The following ESR2 variants were observed in gnomAD, a reference collection of about 807,000 sequenced individuals.
ESR2 encodes the protein estrogen receptor 2.
Under a neutral mutation model 49.6 loss-of-function variants are expected in ESR2, and 36 were observed. That is an observed-to-expected ratio of 0.73 (90% confidence interval 0.56 to 0.96). The LOEUF is 0.96. ESR2 is among the 40% of genes least tolerant of loss of function. ESR2 has a pLI of 0.00. For missense variants in ESR2, 714 were observed against 693.0 expected, an observed-to-expected ratio of 1.03 and a Z score of -0.34; for synonymous variants, 320 against 266.1, an observed-to-expected ratio of 1.20 and a Z score of -1.97.
intron 4 of ESR2, among the ~76,000 whole-genome samples, chr14:64,265,412 C>T (rs944102485): frequency 6.6e-6 from 1 of 152,168 alleles, no homozygotes; most frequent in Non-Finnish European, 1.5e-5. Flanking sequence ...GAAGAGGAAC[C>T]AAACATAAGC....
chr14:64,227,893 A>C (rs756571791), downstream of ESR2: 11 of 1,597,778 alleles, frequency 6.9e-6, no homozygotes, highest in Admixed American at 1.7e-5. Flanking sequence ...CTTGGCACTA[A>C]GATAACTTCA....
intron 7 of ESR2, among the ~76,000 whole-genome samples, chr14:64,238,093 G>A (rs190397497): frequency 9.5e-4 from 145 of 152,208 alleles, no homozygotes; most frequent in Middle Eastern, 6.8e-3. Context: ...ATAAAAGAAC[G>A]CCTCAGAACC....
chr14:64,306,202 C>CA (rs1458845160), intron 1 of ESR2, among the ~76,000 whole-genome samples: 11 of 122,808 alleles, frequency 9.0e-5, no homozygotes, highest in South Asian at 5.2e-4. Flanking sequence ...AACTCCATCT[C>CA]AAAAAAAAAG....
chr14:64,272,882 T>C (rs931404766), intron 3 of ESR2, among the ~76,000 whole-genome samples: 1 of 152,164 alleles, frequency 6.6e-6, no homozygotes. Flanking sequence ...AATTTTAGGG[T>C]TGTTTTTTCT....
At chr14:64,293,049 T>C (rs965920050) in intron 1 of ESR2, among the ~76,000 whole-genome samples, 5 of 152,246 alleles carry the variant, frequency 3.3e-5, no homozygotes. Context: ...CGGTGTATAC[T>C]CTAATGCCTG....
rs1327971409 is a variant in ESR2, at chr14:64,230,534, A to G, written c.*2603T>C. On this transcript the variant is annotated 3_prime_UTR_variant, in exon 9 of 9. Transcript: ENST00000341099. Reference sequence around the variant, plus strand: ...GTACAGCTCCTGCCGATTTTGCACTATTTTTAATGCAGTTGAGTCTTCAGA... The same window carrying G: ...GTACAGCTCCTGCCGATTTTGCACTGTTTTTAATGCAGTTGAGTCTTCAGA... 6.6e-6 allele frequency among the ~76,000 whole-genome samples: 1 copy of G among 152,154 alleles called. No homozygotes were observed. The highest frequency in any genetic ancestry group is 2.4e-5 in the African/African-American group (1 of 41,490).
chr14:64,280,095 C>T lies in ESR2; in HGVS notation c.421G>A (p.Gly141Ser), dbSNP rs1281446424. The change falls in exon 3 of 9, where the codon GGT (glycine) becomes AGT (serine). Residue 141 changes from glycine (G) to serine (S), a missense_variant. By Grantham distance (56) the Gly-to-Ser change is moderately conservative. Coordinates refer to ENST00000341099, the MANE Select transcript of ESR2 (RefSeq NM_001437.3). The part of the protein sequence containing the change: ...NRCASPVTGP[G>S]SKRDAHFCAV... The stretch of plus-strand genomic sequence containing the variant: ...CAGAAGTGAGCATCCCTCTTTGAAC[C>T]TGGACCAGTAACAGGGCTGGCGCAA... 1 of 1,614,138 alleles carries T rather than the reference C, an allele frequency of 6.2e-7. No homozygotes were observed. The highest frequency in any genetic ancestry group is 8.5e-7 in the Non-Finnish European group (1 of 1,179,974).
Position 64,257,332 on chromosome 14 carries a change from G to A in ESR2, c.985C>T (p.Arg329Trp), listed in dbSNP as rs575267235. 9 of 1,613,412 alleles carry A rather than the reference G, an allele frequency of 5.6e-6. No homozygotes were observed. In the Admixed American group the frequency reaches 8.3e-5, roughly 15 times the overall value. Residue 329 changes from arginine (R) to tryptophan (W), a missense_variant, in exon 6 of 9, where the codon CGG (arginine) becomes TGG (tryptophan). By Grantham distance (101) the Arg-to-Trp change is moderately radical. Transcript: ENST00000341099. ...TCCATCCAACAGCTCTCCAAGAGCC[G>A]CACTTGGTCGAACAGGCTGAGCTCC... ...FVELSLFDQV[R>W]LLESCWMEVL...
chr14:64,328,350 C>G lies in ESR2; in HGVS notation c.-91+9548G>C, dbSNP rs541937963. Among the ~76,000 whole-genome samples the G allele has an allele frequency of 7.3e-5, 11 of 151,264 alleles. No homozygotes were observed. The East Asian group carries it at 1.8e-3, about 24-fold the overall frequency. On this transcript the variant is annotated intron_variant, in intron 1 of 8. Transcript: ENST00000358599. Reference sequence around the variant, plus strand: ...AGGAGAATCACTTGAACCTGGGAGGCAGAGGTTGCAGTGAGCTGAAATTGC... The same window carrying G: ...AGGAGAATCACTTGAACCTGGGAGGGAGAGGTTGCAGTGAGCTGAAATTGC...
At chr14:64,240,657 G>A (rs1488130915) in intron 7 of ESR2, among the ~76,000 whole-genome samples, 2 of 152,178 alleles carry the variant, frequency 1.3e-5, no homozygotes, top group Non-Finnish European at 2.9e-5. Context: ...ACACTCAGCT[G>A]CAAGTTTTTG....
chr14:64,239,783 G>A (rs2075681916), intron 7 of ESR2, among the ~76,000 whole-genome samples: 1 of 152,148 alleles, frequency 6.6e-6, no homozygotes, highest in African/African-American at 2.4e-5. Context: ...TATGATACAG[G>A]AATTCCAAGT....
intron 1 of ESR2, among the ~76,000 whole-genome samples, chr14:64,314,688 GC>G (rs1230996581): frequency 1.3e-5 from 2 of 150,920 alleles, no homozygotes; most frequent in East Asian, 2.0e-4. Flanking sequence ...GACCAGCCTG[GC>G]CAACATGGCG....
At chr14:64,251,647 G>A (rs1396481169) in intron 6 of ESR2, among the ~76,000 whole-genome samples, 4 of 152,184 alleles carry the variant, frequency 2.6e-5, no homozygotes, top group African/African-American at 9.7e-5. Flanking sequence ...GTCCCTCACA[G>A]TAATCAGACC....
chr14:64,247,383 G>A (rs540325814), intron 7 of ESR2, among the ~76,000 whole-genome samples: 1 of 152,180 alleles, frequency 6.6e-6, no homozygotes, highest in South Asian at 2.1e-4. Context: ...GAGTCTGTGA[G>A]AGAAGACACG....
At chr14:64,240,322 C>G (rs1193691445) in intron 7 of ESR2, among the ~76,000 whole-genome samples, 1 of 152,216 alleles carries the variant, frequency 6.6e-6, no homozygotes, top group African/African-American at 2.4e-5. Context: ...AAATGCAGCG[C>G]TTGGAAACTC....
In ESR2 at chr14:64,260,495, G is replaced by C; in HGVS notation, c.906C>G (p.Ala302=). ...TGATCATGTGTACCAACTCCTTGTCGGCCAACTTGGTCAGGGACATCATCA... is the reference window on the plus strand; with the variant it reads ...TGATCATGTGTACCAACTCCTTGTCCGCCAACTTGGTCAGGGACATCATCA... ...ASMMMSLTKL[A]DKELVHMISW... is the part of the protein sequence containing the mutation. The change falls in exon 5 of 9, where the codon GCC becomes GCG. Residue 302 remains alanine (A), a synonymous_variant. Transcript: ENST00000341099. 1 of 1,532,678 alleles carries C rather than the reference G, an allele frequency of 6.5e-7. No homozygotes were observed. The highest frequency in any genetic ancestry group is 1.8e-4 in the Middle Eastern group (1 of 5,686). 94.9% of individuals were successfully genotyped at this position (1,532,678 alleles called of 1,614,324 possible).
Position 64,233,187 on chromosome 14 carries a change from C to T in ESR2, c.1543G>A (p.Ala515Thr), listed in dbSNP as rs376023274. ...CCCTCTTTGCTTTTACTGTCCTCTGCCGGGCTGCACTCGGACCCCGTGATG... is the reference window on the plus strand; with the variant it reads ...CCCTCTTTGCTTTTACTGTCCTCTGTCGGGCTGCACTCGGACCCCGTGATG... Reference protein sequence around the residue: ...SSITGSECSPAEDSKSKEGSQ... With the variant: ...SSITGSECSPTEDSKSKEGSQ... Residue 515 changes from alanine to threonine, a missense_variant, in exon 9 of 9, where the codon GCA (alanine) becomes ACA (threonine). Coordinates refer to ENST00000341099, the MANE Select transcript of ESR2 (RefSeq NM_001437.3). 8.1e-6 allele frequency: 13 copies of T among 1,614,016 alleles called. No homozygotes were observed. The highest frequency in any genetic ancestry group is 5.3e-5 in the African/African-American group (4 of 74,906).
intron 1 of ESR2, among the ~76,000 whole-genome samples, chr14:64,337,710 A>G (rs2077548605): frequency 6.6e-6 from 1 of 152,258 alleles, no homozygotes; most frequent in Admixed American, 6.5e-5. Context: ...ATCTAATTCC[A>G]TATGTGGGAC....
chr14:64,306,572 T>G, intron 1 of ESR2, among the ~76,000 whole-genome samples: 1 of 152,266 alleles, frequency 6.6e-6, no homozygotes, highest in East Asian at 1.9e-4. Flanking sequence ...TTTATGTTAA[T>G]GTAGTGAATT....
Sources: gnomAD v4.1 joint callset for allele counts (sites outside exome capture counted in the v4.1 genomes callset) on GRCh38, gnomAD v4.1.1 for gene constraint, MANE v1.5 for transcripts, NCBI Gene and HGNC (gene_info 2026-07-23, HGNC 2026-07-21) for gene names.